Variants in QSOX1 observed in about 807,000 individuals in gnomAD.
QSOX1 encodes sulfhydryl oxidase 1.
QSOX1 carries 40 observed loss-of-function variants against 76.1 expected under a neutral mutation model. That is an observed-to-expected ratio of 0.53 (90% CI 0.41 to 0.68). The LOEUF (loss-of-function observed/expected upper bound fraction) is 0.68. QSOX1 is among the 30% of genes least tolerant of loss of function. The probability of loss-of-function intolerance (pLI) is 0.00; values close to 1 mark genes in which losing one functional copy is unlikely to be tolerated. For synonymous variants in QSOX1, 392 were observed against 413.1 expected, an observed-to-expected ratio of 0.95 and a Z score of 0.62; for missense variants, 931 against 974.3, an observed-to-expected ratio of 0.96 and a Z score of 0.59.
Position 180,197,181 on chromosome 1 carries a change from G to C in QSOX1, c.*144G>C. 6.6e-7 allele frequency: 1 copy of C among 1,520,942 alleles called. No individual in the cohort carries two copies. The highest frequency in any genetic ancestry group is 8.8e-7 in the Non-Finnish European group (1 of 1,137,108). 94.2% of individuals were successfully genotyped at this position (1,520,942 alleles called of 1,614,324 possible). A position where few individuals can be genotyped will look rare whatever the true frequency, so the allele number is the denominator to read the frequency against. Reference sequence around the variant, plus strand: ...CAGGAAAACGAGTTGCTCCAGTGAAGCTTCTTGGGGTTGCTAGGACAGAGA... The same window carrying C: ...CAGGAAAACGAGTTGCTCCAGTGAACCTTCTTGGGGTTGCTAGGACAGAGA... On this transcript the variant is annotated 3_prime_UTR_variant, in exon 12 of 12. Transcript: ENST00000367602.
At chr1:180,189,761 C>T (rs998330671) in intron 9 of QSOX1, 87 bp downstream of exon 9, 17 of 1,451,156 alleles carry the variant, frequency 1.2e-5, no homozygotes, top group South Asian at 6.7e-5. Flanking sequence ...TGACCTTCTT[C>T]GCCAGTTTGC....
chr1:180,190,625 C>T lies in QSOX1; in HGVS notation c.1288+45C>T, dbSNP rs748731716. 20 of 1,563,618 alleles carry T rather than the reference C, an allele frequency of 1.3e-5. No individual in the cohort carries two copies. The African/African-American group carries it at 2.2e-4, about 17-fold the overall frequency. ...ACCCCACTGTGCCTCCAACCCTGCT[C>T]TGTTCGGCCCTCCAAGGGGAGAGGG... On this transcript the variant is annotated intron_variant, in intron 10 of 11. Coordinates refer to ENST00000367602, the MANE Select transcript of QSOX1 (RefSeq NM_002826.5).
At chr1:180,171,455 A>T (rs4147167) in intron 2 of QSOX1, among the ~76,000 whole-genome samples, 149,141 of 150,450 alleles carry the variant, frequency 0.99, 73,937 homozygotes, top group Non-Finnish European at 1. Context: ...GGGGAGGGGC[A>T]GTATCCAGAC....
intron 10 of QSOX1, among the ~76,000 whole-genome samples, chr1:180,192,730 A>G (rs570157510): frequency 1.1e-4 from 17 of 152,250 alleles, no homozygotes; most frequent in African/African-American, 2.2e-4. Flanking sequence ...AGACCTCCCA[A>G]TGGAGGTGTG....
At chr1:180,171,247 C>T (rs960335057) in intron 2 of QSOX1, among the ~76,000 whole-genome samples, 3 of 152,110 alleles carry the variant, frequency 2.0e-5, no homozygotes, top group Non-Finnish European at 4.4e-5. Context: ...CTGGTCTAGA[C>T]AAGGCAGGTG....
intron 1 of QSOX1, among the ~76,000 whole-genome samples, chr1:180,164,457 C>T (rs990469396): frequency 2.0e-5 from 3 of 152,124 alleles, no homozygotes; most frequent in African/African-American, 7.2e-5. Context: ...CCAGAAGCTA[C>T]AATGCCAAAA....
chr1:180,193,148 A>G (rs537330598), intron 10 of QSOX1, among the ~76,000 whole-genome samples: 22 of 152,092 alleles, frequency 1.4e-4, no homozygotes, highest in African/African-American at 4.8e-4. Flanking sequence ...GTTAGAGGGA[A>G]CTTCTTTATG....
chr1:180,192,955 G>C (rs1663357006), intron 10 of QSOX1, among the ~76,000 whole-genome samples: 1 of 152,118 alleles, frequency 6.6e-6, no homozygotes, highest in Admixed American at 6.5e-5. Context: ...CCAGAGTCCA[G>C]TGTTTCAAGA....
intron 1 of QSOX1, among the ~76,000 whole-genome samples, chr1:180,165,301 C>A (rs72710699): frequency 6.6e-6 from 1 of 152,210 alleles, no homozygotes. Flanking sequence ...TGCCTGCCAC[C>A]AGGCAGGCCT....
chr1:180,189,746 A>T, intron 9 of QSOX1, 72 bp downstream of exon 9: 1 of 1,509,486 alleles, frequency 6.6e-7, no homozygotes, highest in Non-Finnish European at 8.9e-7. Flanking sequence ...TAACCCTGTC[A>T]TTTCTGACCT....
chr1:180,178,416 C>T (rs559906772), intron 4 of QSOX1, among the ~76,000 whole-genome samples: 6 of 152,322 alleles, frequency 3.9e-5, no homozygotes, highest in African/African-American at 7.2e-5. Flanking sequence ...TTAGTAGAGA[C>T]GGGCTTTCAC....
rs188075416 is a variant in QSOX1 at position 180,196,637 on chromosome 1, C to T, written c.1844C>T (p.Ala615Val). 1.3e-4 allele frequency: 202 copies of T among 1,614,194 alleles called. No individual in the cohort carries two copies. Among genetic ancestry groups the T allele is most frequent in the Admixed American group, 2.2e-4 (13 of 60,034 alleles). Reference sequence around the variant, plus strand: ...CCGAAGCTGCACCCTGGCCTCAGAGCTGCACCAGGCCAGGAGCCTCCTGAG... The same window carrying T: ...CCGAAGCTGCACCCTGGCCTCAGAGTTGCACCAGGCCAGGAGCCTCCTGAG... ...RPPKLHPGLR[A>V]APGQEPPEHM... Residue 615 changes from alanine to valine, a missense_variant, in exon 12 of 12, where the codon GCT becomes GTT. Physicochemically the swap from Ala to Val is moderately conservative, Grantham distance 64 (BLOSUM62 0). Transcript: ENST00000367602. This position sits in a 1 kb window ranked among gnomAD's most constrained non-coding sequence, Gnocchi z 4.1.
rs768429011 is a variant in QSOX1, at chr1:180,190,430, CAG to C, written c.1141-2_1141-1del. Reference sequence around the variant, plus strand: ...TGTGCACTCACACTCATGTGTCCCTCAGGGTGCCGTTCTTGCCAAGAAGGTGA... The same window carrying C: ...TGTGCACTCACACTCATGTGTCCCTCGGTGCCGTTCTTGCCAAGAAGGTGA... On this transcript the variant is annotated splice_acceptor_variant, in intron 9 of 11. Coordinates refer to ENST00000367602, the MANE Select transcript of QSOX1 (RefSeq NM_002826.5). LOFTEE classifies it high-confidence loss of function. 3 of 1,612,610 alleles carry C rather than the reference CAG, an allele frequency of 1.9e-6. No individual in the cohort carries two copies. The highest frequency in any genetic ancestry group is 2.5e-6 in the Non-Finnish European group (3 of 1,178,598).
intron 1 of QSOX1, among the ~76,000 whole-genome samples, chr1:180,155,906 C>T (rs905194630): frequency 2.0e-5 from 3 of 152,170 alleles, no homozygotes; most frequent in African/African-American, 4.8e-5. Context: ...CTCCATGTTC[C>T]CAATCCCTGG....
At chr1:180,159,278 T>C (rs879353536) in intron 1 of QSOX1, among the ~76,000 whole-genome samples, 5 of 152,266 alleles carry the variant, frequency 3.3e-5, no homozygotes, top group African/African-American at 9.6e-5. Flanking sequence ...GCTAGACTGA[T>C]ACTACTGATC....
At position 180,198,308 on chromosome 1, in the gene QSOX1, C is replaced by G. The variant is rs1305125985; in HGVS notation, c.*1271C>G. On this transcript the variant is annotated 3_prime_UTR_variant, in exon 12 of 12. Transcript: ENST00000367602. ...GTGCCCTGGGCTGGTGAGGGAGAAG[C>G]CTGTCTGCACCTGCCTAATTCCAGC... 2.2e-6 allele frequency: 1 copy of G among 456,646 alleles called. No homozygotes were observed. The highest frequency in any genetic ancestry group is 4.4e-6 in the Non-Finnish European group (1 of 226,966). The allele number at this position is 456,646 out of a possible 1,614,324, so 28.3% of individuals were successfully genotyped here.
Position 180,196,201 on chromosome 1 carries a change from T to C in QSOX1, c.1469-61T>C. The C allele has an allele frequency of 6.5e-7, 1 of 1,541,520 alleles. No individual in the cohort carries two copies. Among genetic ancestry groups the C allele is most frequent in the Non-Finnish European group, 8.8e-7 (1 of 1,139,068 alleles). On this transcript the variant is annotated intron_variant, in intron 11 of 11. Transcript: ENST00000367602. The surrounding 1 kb of genome is among the most constrained non-coding windows in gnomAD (Gnocchi z 4.1). ...AGCTGGCGTTCTGAGTGGAGGAGTG[T>C]GGTCTGGGTTTTTGGGTGGGACTGA... is the stretch of plus-strand genomic sequence containing the variant.
chr1:180,166,777 C>G (rs1453527913), intron 2 of QSOX1, among the ~76,000 whole-genome samples, 186 bp downstream of exon 2: 1 of 152,244 alleles, frequency 6.6e-6, no homozygotes, highest in Non-Finnish European at 1.5e-5. Context: ...TGCTCTCCCT[C>G]TTGACCTCCA....
chr1:180,170,450 C>T (rs946514925), intron 2 of QSOX1, among the ~76,000 whole-genome samples: 6 of 152,190 alleles, frequency 3.9e-5, no homozygotes, highest in African/African-American at 1.4e-4. Context: ...CCATCGGTGT[C>T]ACCCCTGGGA....
Sources: allele counts gnomAD v4.1 joint callset (sites outside exome capture counted in the v4.1 genomes callset), GRCh38; gene constraint gnomAD v4.1.1; non-coding constraint Gnocchi (gnomAD v3.1); transcripts MANE v1.5; gene names NCBI Gene and HGNC (gene_info 2026-07-23, HGNC 2026-07-21).